PCDHB7: variants seen among roughly 807,000 people sequenced by gnomAD.
PCDHB7 encodes protocadherin beta-7.
For missense variants in PCDHB7, 1,148 were observed against 1,011.6 expected, an observed-to-expected ratio of 1.13 and a Z score of -1.83; for synonymous variants, 542 against 463.1, an observed-to-expected ratio of 1.17 and a Z score of -2.19.
In PCDHB7 at chr5:141,174,521, G is replaced by A; in HGVS notation, c.1686G>A (p.Leu562=). The A allele has an allele frequency of 5.6e-6, 9 of 1,610,654 alleles. No homozygotes were observed. The highest frequency in any genetic ancestry group is 2.2e-5 in the East Asian group (1 of 44,844). ...CCAACGACAACTCGCCCTTCGTGCTGTACCCGCTGCAGAACAGCTCCGCGC... is the reference window on the plus strand; with the variant it reads ...CCAACGACAACTCGCCCTTCGTGCTATACCCGCTGCAGAACAGCTCCGCGC... ...LDANDNSPFV[L]YPLQNSSAPC... The change falls in exon 1 of 1, where the codon CTG becomes CTA. Residue 562 remains leucine, a synonymous_variant. Transcript: ENST00000231137.
chr5:141,173,011 T>C lies in PCDHB7; in HGVS notation c.176T>C (p.Leu59Pro). Reference sequence around the variant, plus strand: ...GACCTAGGGTTAGGGGTAGGGGAACTGAGAGCCCGGGGAACTAGAATTGTT... The same window carrying C: ...GACCTAGGGTTAGGGGTAGGGGAACCGAGAGCCCGGGGAACTAGAATTGTT... Reference protein sequence around the residue: ...AKDLGLGVGELRARGTRIVSD... With the variant: ...AKDLGLGVGEPRARGTRIVSD... Residue 59 changes from leucine to proline, a missense_variant, in exon 1 of 1, where the codon CTG (leucine) becomes CCG (proline). Transcript: ENST00000231137. The C allele has an allele frequency of 6.2e-7, 1 of 1,614,158 alleles. No homozygotes were observed. The highest frequency in any genetic ancestry group is 1.3e-5 in the African/African-American group (1 of 75,038).
In PCDHB7 at chr5:141,175,105, C is replaced by G; in HGVS notation, c.2270C>G (p.Ser757Cys). The change falls in exon 1 of 1, where the codon TCC becomes TGC. Residue 757 changes from serine to cysteine, a missense_variant. Physicochemically the swap from Ser to Cys is moderately radical, Grantham distance 112. Transcript: ENST00000231137. ...TATGAGGTGTGCCTGACTGGAGGCT[C>G]CGGGACAAATGAGTTCAAGTTTCTG... Reference protein sequence around the residue: ...YQYEVCLTGGSGTNEFKFLKP... With the variant: ...YQYEVCLTGGCGTNEFKFLKP... The G allele has an allele frequency of 6.2e-7, 1 of 1,614,230 alleles. No individual in the cohort carries two copies. Among genetic ancestry groups the G allele is most frequent in the East Asian group, 2.2e-5 (1 of 44,878 alleles).
In PCDHB7 at chr5:141,173,854, T is replaced by C; in HGVS notation, c.1019T>C (p.Ile340Thr). 6.2e-7 allele frequency: 1 copy of C among 1,614,076 alleles called. No homozygotes were observed. The highest frequency in any genetic ancestry group is 8.5e-7 in the Non-Finnish European group (1 of 1,179,978). ...ACTGTAGTGGTTGATGTAACAGATA[T>C]AAACGATAATCGACCCGAGCTGCTC... ...KCTVVVDVTD[I>T]NDNRPELLLS... The change falls in exon 1 of 1, where the codon ATA (isoleucine) becomes ACA (threonine). Residue 340 changes from isoleucine to threonine, a missense_variant. Physicochemically the swap from Ile to Thr is moderately conservative, Grantham distance 89. Transcript: ENST00000231137.
rs1353671031 is a variant in PCDHB7 at position 141,175,493 on chromosome 5, T to C, written c.*276T>C. The C allele has an allele frequency of 1.9e-5, 9 of 467,524 alleles. No individual in the cohort carries two copies. The Admixed American group carries it at 3.6e-4, about 19-fold the overall frequency. The allele number at this position is 467,524 out of a possible 1,614,324, so 29.0% of individuals were successfully genotyped here. ...TTGAGATATTTTAAATTGCTTTCCA[T>C]TGTTTTCAATCTCTACTGAGACTTC... is the stretch of plus-strand genomic sequence containing the variant. On this transcript the variant is annotated 3_prime_UTR_variant, in exon 1 of 1. Transcript: ENST00000231137.
chr5:141,174,180 C>A lies in PCDHB7; in HGVS notation c.1345C>A (p.Pro449Thr), dbSNP rs1753300700. 1 of 1,613,612 alleles carries A rather than the reference C, an allele frequency of 6.2e-7. No homozygotes were observed. Among genetic ancestry groups the A allele is most frequent in the Non-Finnish European group, 8.5e-7 (1 of 1,180,034 alleles). Residue 449 changes from proline (P) to threonine (T), a missense_variant, in exon 1 of 1, where the codon CCC (proline) becomes ACC (threonine). Transcript: ENST00000231137. ...GGTCTCCGACGTCAATGACAACGCTCCCGCCTTCACCCAAACCTCCTACAC... is the reference window on the plus strand; with the variant it reads ...GGTCTCCGACGTCAATGACAACGCTACCGCCTTCACCCAAACCTCCTACAC... The part of the protein sequence containing the change: ...VLVSDVNDNA[P>T]AFTQTSYTLF...
At position 141,175,019 on chromosome 5, in the gene PCDHB7, C is replaced by T. The variant is rs782564883; in HGVS notation, c.2184C>T (p.Gly728=). 1 of 1,614,104 alleles carries T rather than the reference C, an allele frequency of 6.2e-7. No homozygotes were observed. The highest frequency in any genetic ancestry group is 1.1e-5 in the South Asian group (1 of 91,078). Reference sequence around the variant, plus strand: ...TGGGTCGCTGCTCGGTGCCTGAGGGCCCCTTTCCACGACATCTGGTGGACT... The same window carrying T: ...TGGGTCGCTGCTCGGTGCCTGAGGGTCCCTTTCCACGACATCTGGTGGACT... ...APVGRCSVPE[G]PFPRHLVDLS... The change falls in exon 1 of 1, where the codon GGC becomes GGT. Residue 728 remains glycine, a synonymous_variant. Transcript: ENST00000231137.
Position 141,173,836 on chromosome 5 carries a change from T to A in PCDHB7, c.1001T>A (p.Val334Glu). ...GGGLSGKCTV[V>E]VDVTDINDNR... Reference sequence around the variant, plus strand: ...GGGCTTTCTGGAAAATGCACTGTAGTGGTTGATGTAACAGATATAAACGAT... The same window carrying A: ...GGGCTTTCTGGAAAATGCACTGTAGAGGTTGATGTAACAGATATAAACGAT... The change falls in exon 1 of 1, where the codon GTG (valine) becomes GAG (glutamate). Residue 334 changes from valine (V) to glutamate (E), a missense_variant. Transcript: ENST00000231137. 6.2e-7 allele frequency: 1 copy of A among 1,614,200 alleles called. No homozygotes were observed. Among genetic ancestry groups the A allele is most frequent in the Non-Finnish European group, 8.5e-7 (1 of 1,180,032 alleles).
chr5:141,173,947 G>C lies in PCDHB7; in HGVS notation c.1112G>C (p.Arg371Thr), dbSNP rs1554280104. The change falls in exon 1 of 1, where the codon AGA becomes ACA. Residue 371 changes from arginine (R) to threonine (T), a missense_variant. By Grantham distance (71) the Arg-to-Thr change is moderately conservative (BLOSUM62 -1). Transcript: ENST00000231137. ...ACAGTCGTGGCTGTTTTTAGGATTA[G>C]AGACAGAGATTCCGGGAACAATGGA... ...PETVVAVFRIRDRDSGNNGKT... is the reference protein window; with the variant it reads ...PETVVAVFRITDRDSGNNGKT... 6.2e-7 allele frequency: 1 copy of C among 1,613,652 alleles called. No individual in the cohort carries two copies. The highest frequency in any genetic ancestry group is 8.5e-7 in the Non-Finnish European group (1 of 1,179,668).
In PCDHB7 at chr5:141,174,545, G is replaced by T; in HGVS notation, c.1710G>T (p.Ala570=). Residue 570 remains alanine, a synonymous_variant, in exon 1 of 1, where the codon GCG becomes GCT. Coordinates refer to ENST00000231137, the MANE Select transcript of PCDHB7 (RefSeq NM_018940.4). ...FVLYPLQNSS[A]PCTEPLPRAA... is the part of the protein sequence containing the mutation. Reference sequence around the variant, plus strand: ...TGTACCCGCTGCAGAACAGCTCCGCGCCCTGCACCGAGCCGTTGCCCCGGG... The same window carrying T: ...TGTACCCGCTGCAGAACAGCTCCGCTCCCTGCACCGAGCCGTTGCCCCGGG... 6.2e-7 allele frequency: 1 copy of T among 1,610,088 alleles called. No individual in the cohort carries two copies. The highest frequency in any genetic ancestry group is 1.3e-5 in the African/African-American group (1 of 74,976).
At position 141,175,138 on chromosome 5, in the gene PCDHB7, T is replaced by C. The variant is rs782568457; in HGVS notation, c.2303T>C (p.Ile768Thr). The change falls in exon 1 of 1, where the codon ATT (isoleucine) becomes ACT (threonine). Residue 768 changes from isoleucine to threonine, a missense_variant. Physicochemically the swap from Ile to Thr is moderately conservative, Grantham distance 89. Coordinates refer to ENST00000231137, the MANE Select transcript of PCDHB7 (RefSeq NM_018940.4). ...GTNEFKFLKP[I>T]IPNLLPQSTG... is the part of the protein sequence containing the mutation. ...AATGAGTTCAAGTTTCTGAAACCAA[T>C]TATCCCCAACCTGCTACCCCAGAGC... 6.2e-6 allele frequency: 10 copies of C among 1,614,168 alleles called. No homozygotes were observed. The highest frequency in any genetic ancestry group is 8.5e-6 in the Non-Finnish European group (10 of 1,180,034).
rs782340324 is a variant in PCDHB7, at chr5:141,174,311, G to T, written c.1476G>T (p.Pro492=). Residue 492 remains proline (P), a synonymous_variant, in exon 1 of 1, where the codon CCG becomes CCT. Coordinates refer to ENST00000231137, the MANE Select transcript of PCDHB7 (RefSeq NM_018940.4). ...TNAQVIYSLL[P]SQDPHLPLAS... Reference sequence around the variant, plus strand: ...CCCAGGTCATCTACTCCCTGCTGCCGTCCCAGGACCCGCACCTGCCCCTCG... The same window carrying T: ...CCCAGGTCATCTACTCCCTGCTGCCTTCCCAGGACCCGCACCTGCCCCTCG... 1.1e-5 allele frequency: 17 copies of T among 1,612,376 alleles called. No individual in the cohort carries two copies. Among genetic ancestry groups the T allele is most frequent in the African/African-American group, 8.0e-5 (6 of 74,878 alleles).
chr5:141,175,240 C>T lies in PCDHB7; in HGVS notation c.*23C>T. On this transcript the variant is annotated 3_prime_UTR_variant, in exon 1 of 1. Transcript: ENST00000231137. ...TGATAAAGAATGTAAACTAAATCCG[C>T]GTCTGTGAATACGTTTCTGATTAGG... 6.3e-7 allele frequency: 1 copy of T among 1,577,344 alleles called. No homozygotes were observed. The highest frequency in any genetic ancestry group is 8.6e-7 in the Non-Finnish European group (1 of 1,160,442).
rs1554280365 is a variant in PCDHB7, at chr5:141,174,893, C to G, written c.2058C>G (p.Val686=). ...CGGACCAGGCCAACTCGCTCACCGT[C>G]TACCTGGTGGTGGCGTTGGCCTCGG... The part of the protein sequence containing the change: ...AAPDQANSLT[V]YLVVALASVS... Residue 686 remains valine (V), a synonymous_variant, in exon 1 of 1, where the codon GTC becomes GTG. Coordinates refer to ENST00000231137, the MANE Select transcript of PCDHB7 (RefSeq NM_018940.4). 6.2e-7 allele frequency: 1 copy of G among 1,611,188 alleles called. No individual in the cohort carries two copies. Among genetic ancestry groups the G allele is most frequent in the Admixed American group, 1.7e-5 (1 of 59,932 alleles).
At position 141,173,657 on chromosome 5, in the gene PCDHB7, T is replaced by G. The variant is rs1178622017; in HGVS notation, c.822T>G (p.Asn274Lys). The G allele has an allele frequency of 9.3e-6, 15 of 1,614,130 alleles. No individual in the cohort carries two copies. The highest frequency in any genetic ancestry group is 1.3e-5 in the African/African-American group (1 of 75,042). ...VSARDLDTGS[N>K]GEIAYAFSYA... ...CCAGAGATTTAGATACCGGAAGTAA[T>G]GGGGAAATAGCCTATGCATTTTCTT... The change falls in exon 1 of 1, where the codon AAT becomes AAG. Residue 274 changes from asparagine to lysine, a missense_variant. Coordinates refer to ENST00000231137, the MANE Select transcript of PCDHB7 (RefSeq NM_018940.4).
In PCDHB7 at chr5:141,173,570, G is replaced by C. The variant is rs781976935; in HGVS notation, c.735G>C (p.Ser245=). ...VNDNAPDFVR[S]LYKVQVPENS... is the part of the protein sequence containing the mutation. ...ACAACGCCCCTGATTTTGTGCGGTC[G>C]CTCTACAAGGTGCAGGTGCCCGAAA... is the stretch of plus-strand genomic sequence containing the variant. The change falls in exon 1 of 1, where the codon TCG becomes TCC. Residue 245 remains serine, a synonymous_variant. Transcript: ENST00000231137. The C allele has an allele frequency of 2.5e-6, 4 of 1,613,732 alleles. No individual in the cohort carries two copies. Among genetic ancestry groups the C allele is most frequent in the South Asian group, 1.1e-5 (1 of 91,054 alleles).
At position 141,175,208 on chromosome 5, in the gene PCDHB7, G is replaced by A; in HGVS notation, c.2373G>A (p.Leu791=). The part of the protein sequence containing the change: ...VEENRPFQNN[L]GF ...AAAATCGCCCATTTCAGAATAATTT[G>A]GGTTTCTGATAAAGAATGTAAACTA... The change falls in exon 1 of 1, where the codon TTG becomes TTA. Residue 791 remains leucine (L), a synonymous_variant. Coordinates refer to ENST00000231137, the MANE Select transcript of PCDHB7 (RefSeq NM_018940.4). The A allele has an allele frequency of 6.2e-7, 1 of 1,600,812 alleles. No individual in the cohort carries two copies. Among genetic ancestry groups the A allele is most frequent in the Non-Finnish European group, 8.5e-7 (1 of 1,174,162 alleles).
chr5:141,175,064 A>T lies in PCDHB7; in HGVS notation c.2229A>T (p.Leu743=), dbSNP rs782798616. ...TGGACTTGAGCGGCACCGGGACCCT[A>T]TCCCAGAGCTACCAGTATGAGGTGT... ...HLVDLSGTGT[L]SQSYQYEVCL... The change falls in exon 1 of 1, where the codon CTA becomes CTT. Residue 743 remains leucine, a synonymous_variant. Coordinates refer to ENST00000231137, the MANE Select transcript of PCDHB7 (RefSeq NM_018940.4). 1 of 1,614,200 alleles carries T rather than the reference A, an allele frequency of 6.2e-7. No individual in the cohort carries two copies. Among genetic ancestry groups the T allele is most frequent in the South Asian group, 1.1e-5 (1 of 91,088 alleles).
rs1362547091 is a variant in PCDHB7 at position 141,175,468 on chromosome 5, T to C, written c.*251T>C. On this transcript the variant is annotated 3_prime_UTR_variant, in exon 1 of 1. Transcript: ENST00000231137. ...ACAGTCTATTAAATGTAAGTCTTGT[T>C]TGAGATATTTTAAATTGCTTTCCAT... 1.2e-5 allele frequency: 6 copies of C among 519,988 alleles called. No individual in the cohort carries two copies. The highest frequency in any genetic ancestry group is 1.6e-5 in the Non-Finnish European group (5 of 308,180). The allele number at this position is 519,988 out of a possible 1,614,324, so 32.2% of individuals were successfully genotyped here. A position where few individuals can be genotyped will look rare whatever the true frequency, so the allele number is the denominator to read the frequency against.
chr5:141,174,432 G>T lies in PCDHB7; in HGVS notation c.1597G>T (p.Ala533Ser), dbSNP rs371446114. ...ALQAFEFRVGATDRGSPALSS... is the reference protein window; with the variant it reads ...ALQAFEFRVGSTDRGSPALSS... ...GCAGGCGTTCGAGTTCCGCGTGGGC[G>T]CCACAGACCGCGGCTCCCCCGCGCT... The change falls in exon 1 of 1, where the codon GCC (alanine) becomes TCC (serine). Residue 533 changes from alanine to serine, a missense_variant. By Grantham distance (99) the Ala-to-Ser change is moderately conservative. Transcript: ENST00000231137. 152 of 1,611,800 alleles carry T rather than the reference G, an allele frequency of 9.4e-5. No homozygotes were observed. The highest frequency in any genetic ancestry group is 1.2e-4 in the Non-Finnish European group (146 of 1,179,800).
Sources: gnomAD v4.1 joint callset for allele counts on GRCh38, gnomAD v4.1.1 for gene constraint, MANE v1.5 for transcripts, NCBI Gene and HGNC (gene_info 2026-07-23, HGNC 2026-07-21) for gene names.